NRL: variants seen among roughly 807,000 people sequenced by gnomAD.
NRL encodes the protein neural retina leucine zipper.
In NRL, 16 loss-of-function variants were observed where a neutral mutation model predicts 12.5. The ratio of observed to expected loss-of-function variants is 1.28; its 90% CI spans 0.87 to 1.95. The LOEUF is 1.95. NRL is among the 30% of genes most tolerant of loss of function. NRL has a pLI of 0.00. For missense variants in NRL, 314 were observed against 325.8 expected (o/e 0.96, Z 0.28); for synonymous variants, 142 against 150.9 (o/e 0.94, Z 0.43).
rs2036774691 is a variant in NRL, at chr14:24,094,634, G to A, written c.-27-11759C>T. 1.4e-6 allele frequency: 2 copies of A among 1,479,986 alleles called. No individual in the cohort carries two copies. The highest frequency in any genetic ancestry group is 2.5e-5 in the East Asian group (1 of 40,152). The allele number at this position is 1,479,986 out of a possible 1,614,324, so 91.7% of individuals were successfully genotyped here. On this transcript the variant is annotated intron_variant, in intron 1 of 2. Transcript: ENST00000561028. This position sits in a 1 kb window ranked among gnomAD's most constrained non-coding sequence, Gnocchi z 4.1. ...CAGCCGGCCGGTGCTCCTCGTTTCC[G>A]CCTGCACCTCCCCTTCTCTGCCTCG...
At chr14:24,082,162 A>G (rs2036331223) in intron 2 of NRL, 12 of 761,644 alleles carry the variant, frequency 1.6e-5, no homozygotes, top group Non-Finnish European at 1.9e-5. Context: ...TCCACACACC[A>G]TGTATCTGTT....
At chr14:24,106,731 T>A (rs58238413) in intron 1 of NRL, among the ~76,000 whole-genome samples, 24,962 of 133,498 alleles carry the variant, frequency 0.19, 3,047 homozygotes, top group African/African-American at 0.39. Context: ...AAAAAAAAAA[T>A]AAATAAATAA....
Position 24,081,656 on chromosome 14 carries a change from G to T in NRL, c.382-88C>A. 5 of 1,534,566 alleles carry T rather than the reference G, an allele frequency of 3.3e-6. No homozygotes were observed. The South Asian group carries it at 6.0e-5, about 18-fold the overall frequency. On this transcript the variant is annotated intron_variant, in intron 2 of 2. Transcript: ENST00000561028. This position sits in a 1 kb window ranked among gnomAD's most constrained non-coding sequence, Gnocchi z 4.4. ...CCCGACGCTACCTGGCTCCGCCCCGGGACAGCCCCGCCCCGGCTCCCACCT... is the reference window on the plus strand; with the variant it reads ...CCCGACGCTACCTGGCTCCGCCCCGTGACAGCCCCGCCCCGGCTCCCACCT...
intron 1 of NRL, chr14:24,093,104 C>A (rs962773363): frequency 1.3e-5 from 2 of 152,238 alleles, no homozygotes; most frequent in Non-Finnish European, 2.9e-5. Flanking sequence ...CAAGCCTACC[C>A]CCAAGAGGGG....
chr14:24,098,472 C>G, intron 1 of NRL: 2 of 1,613,994 alleles, frequency 1.2e-6, no homozygotes, highest in South Asian at 1.1e-5. Flanking sequence ...CCTTCCTCCA[C>G]AGGCCGCACC....
rs930832405 is a variant in NRL at position 24,106,735 on chromosome 14, T to A, written c.-28+7987A>T. Among the ~76,000 whole-genome samples, 37 of 143,316 alleles carry A rather than the reference T, an allele frequency of 2.6e-4. 1 individual carries two copies. Among genetic ancestry groups the A allele is most frequent in the African/African-American group, 7.7e-4 (27 of 35,268 alleles). 94.0% of individuals were successfully genotyped at this position (143,316 alleles called of 152,430 possible). On this transcript the variant is annotated intron_variant, in intron 1 of 2. Transcript: ENST00000561028. ...GACTCTGTCTCAAAAAAAAAATAAATAAATAAATAAATTTAAAAATTTAAA... is the reference window on the plus strand; with the variant it reads ...GACTCTGTCTCAAAAAAAAAATAAAAAAATAAATAAATTTAAAAATTTAAA...
At chr14:24,095,400 T>C in intron 1 of NRL, 1 of 373,456 alleles carries the variant, frequency 2.7e-6, no homozygotes, top group Non-Finnish European at 5.4e-6. Context: ...CCTCCTCCCC[T>C]GCCCCTGGGG....
At chr14:24,103,001 G>A (rs1281522805) in intron 1 of NRL, 1 of 1,325,104 alleles carries the variant, frequency 7.5e-7, no homozygotes, top group East Asian at 2.3e-5. Flanking sequence ...TTTCTCCAGA[G>A]TTCTCCCCTG....
chr14:24,103,500 T>C lies in NRL; in HGVS notation c.-28+11222A>G, dbSNP rs190213824. ...AGGAAGATTCCTTACCCATCTTGCTTCCCCCCCAGGGAAGATCATCATGCA... is the reference window on the plus strand; with the variant it reads ...AGGAAGATTCCTTACCCATCTTGCTCCCCCCCCAGGGAAGATCATCATGCA... On this transcript the variant is annotated intron_variant, in intron 1 of 2. Coordinates refer to ENST00000561028, the MANE Select transcript of NRL (RefSeq NM_001354768.3). The C allele has an allele frequency of 2.7e-3, 4,165 of 1,534,364 alleles. 4 individuals are homozygous for C. Among genetic ancestry groups the C allele is most frequent in the Non-Finnish European group, 3.0e-3 (3,457 of 1,141,184 alleles).
In NRL at chr14:24,103,244, C is replaced by T. The variant is rs993891158; in HGVS notation, c.-28+11478G>A. The T allele has an allele frequency of 6.2e-7, 1 of 1,613,280 alleles. No individual in the cohort carries two copies. On this transcript the variant is annotated intron_variant, in intron 1 of 2. Coordinates refer to ENST00000561028, the MANE Select transcript of NRL (RefSeq NM_001354768.3). ...ATGCGCTCTGAGTCCACTGCTGCAG[C>T]AGAACACAAAGGTGAGCACCCTCAC...
Position 24,094,521 on chromosome 14 carries a change from C to G in NRL, c.-27-11646G>C. ...GCCAGTGGCGCTCTCCTGCTCTCAGCCTCCGCCAGGTTTCCCATCCTAGGC... is the reference window on the plus strand; with the variant it reads ...GCCAGTGGCGCTCTCCTGCTCTCAGGCTCCGCCAGGTTTCCCATCCTAGGC... On this transcript the variant is annotated intron_variant, in intron 1 of 2. Coordinates refer to ENST00000561028, the MANE Select transcript of NRL (RefSeq NM_001354768.3). The surrounding 1 kb of genome is among the most constrained non-coding windows in gnomAD (Gnocchi z 4.1). The G allele has an allele frequency of 6.9e-7, 1 of 1,449,778 alleles. No individual in the cohort carries two copies. The allele number at this position is 1,449,778 out of a possible 1,614,324, so 89.8% of individuals were successfully genotyped here.
At chr14:24,092,387 G>A (rs1170382807) in intron 1 of NRL, among the ~76,000 whole-genome samples, 1 of 152,210 alleles carries the variant, frequency 6.6e-6, no homozygotes, top group African/African-American at 2.4e-5. Context: ...GATAAGAATA[G>A]TCTAGACTGA....
intron 2 of NRL, 111 bp downstream of exon 2, chr14:24,082,357 C>T: frequency 7.3e-7 from 1 of 1,369,110 alleles, no homozygotes; most frequent in South Asian, 1.2e-5. Flanking sequence ...CTTCTCCTGC[C>T]CTCTGTCCCC....
rs2036200780 is a variant in NRL at position 24,079,050 on chromosome 14, G to A, written c.*2186C>T. Among the ~76,000 whole-genome samples, 1 of 152,182 alleles carries A rather than the reference G, an allele frequency of 6.6e-6. No individual in the cohort carries two copies. The highest frequency in any genetic ancestry group is 6.5e-5 in the Admixed American group (1 of 15,286). ...CAAACTTCCTCCTTGGCCTCCCAAA[G>A]TGTTGGGATTACAGGCAGGAACCAC... On this transcript the variant is annotated 3_prime_UTR_variant, in exon 3 of 3. Coordinates refer to ENST00000561028, the MANE Select transcript of NRL (RefSeq NM_001354768.3).
At chr14:24,086,213 C>CA (rs1414487747) in intron 1 of NRL, among the ~76,000 whole-genome samples, 287 of 146,766 alleles carry the variant, frequency 2.0e-3, no homozygotes, top group African/African-American at 6.3e-3. Context: ...GACTCCATCT[C>CA]AAAAAAAAAA....
At chr14:24,084,080 A>G (rs746574564) in intron 1 of NRL, among the ~76,000 whole-genome samples, 29 of 152,120 alleles carry the variant, frequency 1.9e-4, no homozygotes, top group Non-Finnish European at 2.8e-4. Flanking sequence ...CTCCTTCTAG[A>G]TGCCCCAAGC....
intron 2 of NRL, 82 bp downstream of exon 2, chr14:24,082,386 C>G (rs893357586): frequency 2.1e-5 from 33 of 1,570,054 alleles, no homozygotes; most frequent in Non-Finnish European, 2.7e-5. Flanking sequence ...TCCATAACCC[C>G]CTCTGGGAGC....
chr14:24,090,980 G>A (rs1258617771), intron 1 of NRL, among the ~76,000 whole-genome samples: 1 of 152,178 alleles, frequency 6.6e-6, no homozygotes, highest in East Asian at 1.9e-4. Flanking sequence ...AAACAAGACT[G>A]AAATCATCAC....
chr14:24,093,853 T>C (rs1228866146), intron 1 of NRL, among the ~76,000 whole-genome samples: 1 of 152,106 alleles, frequency 6.6e-6, no homozygotes, highest in African/African-American at 2.4e-5. Context: ...CATTGGGCAC[T>C]TGGACTACAG....
Sources: allele counts gnomAD v4.1 joint callset (sites outside exome capture counted in the v4.1 genomes callset), GRCh38; gene constraint gnomAD v4.1.1; non-coding constraint Gnocchi (gnomAD v3.1); transcripts MANE v1.5; gene names NCBI Gene and HGNC (gene_info 2026-07-23, HGNC 2026-07-21).